Variants in MB observed in about 807,000 individuals in gnomAD.
The protein encoded by MB is myoglobin.
A neutral mutation model predicts 14.5 loss-of-function variants in MB; 10 were observed. The ratio of observed to expected loss-of-function variants is 0.69; its 90% CI spans 0.43 to 1.17. The LOEUF is 1.17. MB is among the 50% of genes most tolerant of loss of function. MB has a pLI of 0.00. For missense variants in MB, 169 were observed against 192.7 expected, an observed-to-expected ratio of 0.88 and a Z score of 0.73; for synonymous variants, 89 against 78.6, an observed-to-expected ratio of 1.13 and a Z score of -0.70.
At position 35,608,638 on chromosome 22, in the gene MB, G is replaced by C. The variant is rs1054104800; in HGVS notation, c.319-1195C>G. On this transcript the variant is annotated intron_variant, in intron 2 of 2. Coordinates refer to ENST00000397326, the MANE Select transcript of MB (RefSeq NM_005368.3). This position sits in a 1 kb window ranked among gnomAD's most constrained non-coding sequence, Gnocchi z 4.3. ...TCATGAATGCCACAAAACAAAGTGG[G>C]GGCTCAGGGTGTCATGGAGCAAGCC... Among the ~76,000 whole-genome samples the C allele has an allele frequency of 1.5e-4, 23 of 152,184 alleles. No homozygotes were observed. Among genetic ancestry groups the C allele is most frequent in the Admixed American group, 4.6e-4 (7 of 15,274 alleles).
upstream of MB, among the ~76,000 whole-genome samples, chr22:35,619,962 A>C (rs1601848402): frequency 6.6e-6 from 1 of 152,104 alleles, no homozygotes; most frequent in African/African-American, 2.4e-5. Flanking sequence ...CCAGAAGTCA[A>C]CCCCAAATGC....
upstream of MB, among the ~76,000 whole-genome samples, chr22:35,618,322 C>T (rs1182406858): frequency 1.3e-5 from 2 of 152,158 alleles, no homozygotes; most frequent in African/African-American, 2.4e-5. Context: ...ATCTCTTGGG[C>T]CTCACATGGT....
At chr22:35,619,676 T>C (rs1002750456), upstream of MB, among the ~76,000 whole-genome samples, 10 of 152,218 alleles carry the variant, frequency 6.6e-5, no homozygotes, top group African/African-American at 2.4e-4. Context: ...TGGTAAGAAT[T>C]GGACAAATAA....
chr22:35,621,124 T>G (rs1473791096), upstream of MB, among the ~76,000 whole-genome samples: 3 of 152,194 alleles, frequency 2.0e-5, no homozygotes. Context: ...GCCTTCATTA[T>G]GGCCAGGGCA....
At chr22:35,616,700 G>A (rs1923103394) in intron 1 of MB, among the ~76,000 whole-genome samples, 1 of 152,180 alleles carries the variant, frequency 6.6e-6, no homozygotes, top group Admixed American at 6.5e-5. Flanking sequence ...CAGTGGCTCA[G>A]TGGCAGAGCC....
chr22:35,617,204 C>A lies in MB; in HGVS notation c.54G>T (p.Val18=). The part of the protein sequence containing the change: ...WQLVLNVWGK[V]EADIPGHGQE... ...GCCCATGGCCTGGGATGTCAGCCTC[C>A]ACCTTCCCCCAGACGTTCAGCACCA... The change falls in exon 1 of 3, where the codon GTG becomes GTT. Residue 18 remains valine (V), a synonymous_variant. Transcript: ENST00000397326. 1 of 1,614,172 alleles carries A rather than the reference C, an allele frequency of 6.2e-7. No individual in the cohort carries two copies. The highest frequency in any genetic ancestry group is 8.5e-7 in the Non-Finnish European group (1 of 1,180,024).
intron 1 of MB, among the ~76,000 whole-genome samples, chr22:35,613,265 A>G (rs2145917621): frequency 6.6e-6 from 1 of 152,316 alleles, no homozygotes; most frequent in Non-Finnish European, 1.5e-5. Context: ...GGGGTCTCAG[A>G]CATTTTGGGG....
chr22:35,607,399 G>A lies in MB; in HGVS notation c.363C>T (p.Pro121=), dbSNP rs375228952. The change falls in exon 3 of 3, where the codon CCC becomes CCT. Residue 121 remains proline (P), a synonymous_variant. Transcript: ENST00000397326. ...CCTGGGCATCAGCACCAAAGTCCCC[G>A]GGATGCTTGCTCTGCAGAACCTGGA... ...CIIQVLQSKH[P]GDFGADAQGA... is the part of the protein sequence containing the mutation. 8.1e-6 allele frequency: 13 copies of A among 1,613,946 alleles called. No homozygotes were observed. The highest frequency in any genetic ancestry group is 3.3e-4 in the Middle Eastern group (2 of 6,084).
upstream of MB, chr22:35,617,527 T>C: frequency 2.1e-6 from 1 of 473,438 alleles, no homozygotes; most frequent in Non-Finnish European, 3.8e-6. Context: ...GCAGGACAGC[T>C]CAGGCCACAG....
Position 35,607,160 on chromosome 22 carries a change from G to A in MB, c.*137C>T. On this transcript the variant is annotated 3_prime_UTR_variant, in exon 3 of 3. Coordinates refer to ENST00000397326, the MANE Select transcript of MB (RefSeq NM_005368.3). ...AGCCAACTTCAACACCCCAGCCCCAGCCCCTCAGCTCCTCCTGCCCACCTC... is the reference window on the plus strand; with the variant it reads ...AGCCAACTTCAACACCCCAGCCCCAACCCCTCAGCTCCTCCTGCCCACCTC... The A allele has an allele frequency of 2.9e-6, 3 of 1,022,156 alleles. No individual in the cohort carries two copies. The highest frequency in any genetic ancestry group is 4.2e-6 in the Non-Finnish European group (3 of 714,172). The allele number at this position is 1,022,156 out of a possible 1,614,324, so 63.3% of individuals were successfully genotyped here. A position where few individuals can be genotyped will look rare whatever the true frequency, so the allele number is the denominator to read the frequency against.
At chr22:35,609,818 G>C (rs142048154) in intron 2 of MB, among the ~76,000 whole-genome samples, 2 of 152,272 alleles carry the variant, frequency 1.3e-5, no homozygotes, top group African/African-American at 4.8e-5. Flanking sequence ...CCAGCTTCCC[G>C]TGCAGACAGG....
chr22:35,618,257 G>C (rs780246733), upstream of MB, among the ~76,000 whole-genome samples: 1 of 152,182 alleles, frequency 6.6e-6, no homozygotes, highest in East Asian at 1.9e-4. Flanking sequence ...AGGAAGCCAC[G>C]CCCCTTTCTT....
At chr22:35,611,461 G>A (rs993099475) in intron 1 of MB, among the ~76,000 whole-genome samples, 1 of 152,180 alleles carries the variant, frequency 6.6e-6, no homozygotes, top group East Asian at 1.9e-4. Flanking sequence ...AGGTCTGAGT[G>A]ACCAAAACAG....
Position 35,611,006 on chromosome 22 carries a change from C to T in MB, c.196G>A (p.Gly66Ser). The change falls in exon 2 of 3, where the codon GGT becomes AGT. Residue 66 changes from glycine to serine, a missense_variant. Transcript: ENST00000397326. ...CCCAGGGCGGTGAGCACGGTGGCAC[C>T]ATGCTTCTTTAAGTCCTCAGACGCC... The part of the protein sequence containing the change: ...MKASEDLKKH[G>S]ATVLTALGGI... The T allele has an allele frequency of 6.2e-7, 1 of 1,614,158 alleles. No individual in the cohort carries two copies. The highest frequency in any genetic ancestry group is 8.5e-7 in the Non-Finnish European group (1 of 1,180,006).
upstream of MB, among the ~76,000 whole-genome samples, chr22:35,621,230 C>A (rs369375000): frequency 1.3e-5 from 2 of 152,180 alleles, no homozygotes; most frequent in African/African-American, 2.4e-5. Flanking sequence ...CGCACACACA[C>A]GCACGAATGC....
At chr22:35,615,685 C>G (rs1053172901) in intron 1 of MB, 1 of 152,106 alleles carries the variant, frequency 6.6e-6, no homozygotes, top group Non-Finnish European at 1.5e-5. Context: ...GAAGACAATC[C>G]CTTCGCTCAA....
At chr22:35,619,318 A>T (rs1923315498), upstream of MB, among the ~76,000 whole-genome samples, 2 of 152,216 alleles carry the variant, frequency 1.3e-5, no homozygotes, top group South Asian at 4.1e-4. Flanking sequence ...GCAAGATTAC[A>T]TCTAATCTTT....
intron 1 of MB, among the ~76,000 whole-genome samples, chr22:35,613,729 A>G (rs1922831710): frequency 6.6e-6 from 1 of 151,906 alleles, no homozygotes; most frequent in Non-Finnish European, 1.5e-5. Flanking sequence ...GAACTCCTGG[A>G]CTCAAGCGAT....
chr22:35,610,866 C>T lies in MB; in HGVS notation c.318+18G>A. The T allele has an allele frequency of 1.4e-6, 2 of 1,459,916 alleles. No individual in the cohort carries two copies. The highest frequency in any genetic ancestry group is 3.0e-5 in the African/African-American group (1 of 33,840). The allele number at this position is 1,459,916 out of a possible 1,614,324, so 90.4% of individuals were successfully genotyped here. A position where few individuals can be genotyped will look rare whatever the true frequency, so the allele number is the denominator to read the frequency against. On this transcript the variant is annotated intron_variant, in intron 2 of 2. Coordinates refer to ENST00000397326, the MANE Select transcript of MB (RefSeq NM_005368.3). The stretch of plus-strand genomic sequence containing the variant: ...GGCCTTCCCCGCATCCTCCCACCTG[C>T]CCAGGCTCTGCTCCTACCTCCAGGT...
Sources: gnomAD v4.1 joint callset for allele counts (sites outside exome capture counted in the v4.1 genomes callset) on GRCh38, gnomAD v4.1.1 for gene constraint, Gnocchi (gnomAD v3.1) non-coding constraint, MANE v1.5 for transcripts, NCBI Gene and HGNC (gene_info 2026-07-23, HGNC 2026-07-21) for gene names.